CLMN: variants seen among roughly 807,000 people sequenced by gnomAD.
The protein encoded by CLMN is calmin.
CLMN carries 57 observed loss-of-function variants against 92.7 expected under a neutral mutation model. The observed-to-expected ratio is 0.61, with a 90% CI of 0.50 to 0.77. The LOEUF (loss-of-function observed/expected upper bound fraction) is 0.77, where lower values mean the gene tolerates loss of function less well. Among genes scored for constraint, CLMN ranks in the 30% least tolerant of loss-of-function variants. CLMN has a pLI of 0.00. For synonymous variants in CLMN, 466 were observed against 470.6 expected (o/e 0.99, Z 0.13); for missense variants, 1,158 against 1,237.5 (o/e 0.94, Z 0.96).
intron 1 of CLMN, among the ~76,000 whole-genome samples, chr14:95,262,217 C>A (rs1899285736): frequency 6.6e-6 from 1 of 152,210 alleles, no homozygotes; most frequent in African/African-American, 2.4e-5. Context: ...TCTCACTGAG[C>A]TGATGTTTTC....
chr14:95,190,326 G>A lies in CLMN; in HGVS notation c.*1238C>T, dbSNP rs911574236. On this transcript the variant is annotated 3_prime_UTR_variant, in exon 13 of 13. Transcript: ENST00000298912. ...GCTCACTGCAAGTCTGCCCCTGGTCGGCTATATGATCTTGGTCAAGCTGCT... is the reference window on the plus strand; with the variant it reads ...GCTCACTGCAAGTCTGCCCCTGGTCAGCTATATGATCTTGGTCAAGCTGCT... The A allele has an allele frequency of 2.0e-5, 3 of 152,232 alleles. No individual in the cohort carries two copies. Among genetic ancestry groups the A allele is most frequent in the Non-Finnish European group, 2.9e-5 (2 of 68,086 alleles). 9.4% of individuals were successfully genotyped at this position (152,232 alleles called of 1,614,324 possible). A position where few individuals can be genotyped will look rare whatever the true frequency, so the allele number is the denominator to read the frequency against.
chr14:95,231,478 G>T (rs895442324), intron 1 of CLMN, among the ~76,000 whole-genome samples: 1 of 152,116 alleles, frequency 6.6e-6, no homozygotes, highest in Non-Finnish European at 1.5e-5. Flanking sequence ...GATTACAGGC[G>T]TGAGCCACCG....
chr14:95,194,265 G>A lies in CLMN; in HGVS notation c.2769+271C>T, dbSNP rs1290704856. On this transcript the variant is annotated intron_variant, in intron 11 of 12. Coordinates refer to ENST00000298912, the MANE Select transcript of CLMN (RefSeq NM_024734.4). The surrounding 1 kb of genome is among the most constrained non-coding windows in gnomAD (Gnocchi z 4.0). ...CTGAACGTGATCCTTCTGGGTGCGC[G>A]CGGGGTCCAGGTGAGGCGTTTTGGG... 4.3e-6 allele frequency: 6 copies of A among 1,395,930 alleles called. No individual in the cohort carries two copies. Among genetic ancestry groups the A allele is most frequent in the African/African-American group, 1.5e-5 (1 of 68,862 alleles). 86.5% of individuals were successfully genotyped at this position (1,395,930 alleles called of 1,614,324 possible).
intron 9 of CLMN, among the ~76,000 whole-genome samples, chr14:95,197,071 T>C (rs1353733882): frequency 6.6e-6 from 1 of 152,184 alleles, no homozygotes; most frequent in Non-Finnish European, 1.5e-5. Context: ...CATCCCACTA[T>C]TCCACAGGAT....
chr14:95,194,764 G>A lies in CLMN; in HGVS notation c.2709-168C>T, dbSNP rs1296415782. Among the ~76,000 whole-genome samples the A allele has an allele frequency of 6.6e-6, 1 of 151,838 alleles. No homozygotes were observed. The highest frequency in any genetic ancestry group is 2.4e-5 in the African/African-American group (1 of 41,092). The stretch of plus-strand genomic sequence containing the variant: ...TATATCTAACATGCCTACTTTGGTT[G>A]GACAGTGCTTACAAATAGGATGGAT... On this transcript the variant is annotated intron_variant, in intron 10 of 12. Transcript: ENST00000298912. This position sits in a 1 kb window ranked among gnomAD's most constrained non-coding sequence, Gnocchi z 4.0.
At chr14:95,285,407 C>A (rs527293226) in intron 1 of CLMN, among the ~76,000 whole-genome samples, 1 of 152,264 alleles carries the variant, frequency 6.6e-6, no homozygotes, top group Admixed American at 6.5e-5. Flanking sequence ...TCATCAAATT[C>A]TCTTCCAGGA....
At chr14:95,228,210 C>A (rs1390978613) in intron 2 of CLMN, among the ~76,000 whole-genome samples, 1 of 151,966 alleles carries the variant, frequency 6.6e-6, no homozygotes, top group African/African-American at 2.4e-5. Context: ...CTAGTGTGTC[C>A]CCCAGCAGGA....
rs376466855 is a variant in CLMN at position 95,259,437 on chromosome 14, A to C, written c.83-29304T>G. Among the ~76,000 whole-genome samples the C allele has an allele frequency of 1.3e-5, 2 of 152,206 alleles. No homozygotes were observed. Among genetic ancestry groups the C allele is most frequent in the East Asian group, 3.9e-4 (2 of 5,182 alleles). On this transcript the variant is annotated intron_variant, in intron 1 of 12. Transcript: ENST00000298912. This position sits in a 1 kb window ranked among gnomAD's most constrained non-coding sequence, Gnocchi z 4.3. Reference sequence around the variant, plus strand: ...AAACCTCCGGGTTACCAGAATGTGCACTTTATGAGGACACGGAGGAAACCC... The same window carrying C: ...AAACCTCCGGGTTACCAGAATGTGCCCTTTATGAGGACACGGAGGAAACCC...
At chr14:95,253,016 T>C (rs1367447260) in intron 1 of CLMN, among the ~76,000 whole-genome samples, 3 of 152,170 alleles carry the variant, frequency 2.0e-5, no homozygotes, top group East Asian at 1.9e-4. Flanking sequence ...GATGGAATGA[T>C]AGAAACTGAG....
At chr14:95,304,655 T>C (rs939132044) in intron 1 of CLMN, among the ~76,000 whole-genome samples, 3 of 152,048 alleles carry the variant, frequency 2.0e-5, no homozygotes, top group African/African-American at 7.2e-5. Flanking sequence ...GTACAATCTA[T>C]ATAGTACAAT....
intron 1 of CLMN, among the ~76,000 whole-genome samples, chr14:95,245,271 T>TA (rs1898500779): frequency 1.6e-5 from 1 of 60,728 alleles, no homozygotes; most frequent in African/African-American, 9.8e-5. Flanking sequence ...ATATATATAT[T>TA]ATATATATAT....
At chr14:95,289,940 C>T (rs1900499381) in intron 1 of CLMN, among the ~76,000 whole-genome samples, 1 of 152,216 alleles carries the variant, frequency 6.6e-6, no homozygotes, top group East Asian at 1.9e-4. Flanking sequence ...TAATCGCCAC[C>T]TAAGACAGGT....
chr14:95,210,693 C>T lies in CLMN; in HGVS notation c.795G>A (p.Glu265=). The T allele has an allele frequency of 6.2e-7, 1 of 1,605,594 alleles. No individual in the cohort carries two copies. Among genetic ancestry groups the T allele is most frequent in the Admixed American group, 1.7e-5 (1 of 58,170 alleles). ...QDALHIPRLL[E]PEDIMVDTPD... is the part of the protein sequence containing the mutation. ...AGAGAGAACCACTGCTACCTTCTGG[C>T]TCCAGGAGCCTGGGGATGTGCAGGG... The change falls in exon 7 of 13, where the codon GAG becomes GAA. Residue 265 remains glutamate, a synonymous_variant. Transcript: ENST00000298912.
At chr14:95,287,152 T>A (rs537464277) in intron 1 of CLMN, among the ~76,000 whole-genome samples, 1 of 152,204 alleles carries the variant, frequency 6.6e-6, no homozygotes, top group African/African-American at 2.4e-5. Context: ...GCAATTCTAA[T>A]GGTCTGACTT....
chr14:95,234,526 A>C (rs1398546205), intron 1 of CLMN, among the ~76,000 whole-genome samples: 2 of 152,110 alleles, frequency 1.3e-5, no homozygotes, highest in Non-Finnish European at 2.9e-5. Context: ...CTTCTCACAG[A>C]GTGTTTGTGG....
chr14:95,197,752 A>T (rs541585623), intron 9 of CLMN, among the ~76,000 whole-genome samples: 1 of 152,204 alleles, frequency 6.6e-6, no homozygotes, highest in Non-Finnish European at 1.5e-5. Flanking sequence ...TGTTGGAGCC[A>T]CGTCTCAAGA....
chr14:95,286,583 T>C (rs997653402), intron 1 of CLMN, among the ~76,000 whole-genome samples: 5 of 152,242 alleles, frequency 3.3e-5, no homozygotes, highest in Non-Finnish European at 4.4e-5. Flanking sequence ...ATGTACTAAA[T>C]CTTACTGAAT....
intron 1 of CLMN, among the ~76,000 whole-genome samples, chr14:95,296,900 T>A (rs956738036): frequency 6.6e-6 from 1 of 152,182 alleles, no homozygotes; most frequent in African/African-American, 2.4e-5. Context: ...AAGTCACCCC[T>A]AGGTTTGTCT....
chr14:95,289,786 T>A (rs1008410375), intron 1 of CLMN, among the ~76,000 whole-genome samples: 2 of 152,118 alleles, frequency 1.3e-5, no homozygotes, highest in African/African-American at 4.8e-5. Context: ...CCCATCCTCT[T>A]AGGAGCTGGC....
Sources: gnomAD v4.1 joint callset for allele counts (sites outside exome capture counted in the v4.1 genomes callset) on GRCh38, gnomAD v4.1.1 for gene constraint, Gnocchi (gnomAD v3.1) non-coding constraint, MANE v1.5 for transcripts, NCBI Gene and HGNC (gene_info 2026-07-23, HGNC 2026-07-21) for gene names.